The following TRDN variants were observed in gnomAD, a reference collection of about 807,000 sequenced individuals.
TRDN encodes the protein triadin.
A neutral mutation model predicts 149.7 loss-of-function variants in TRDN; 161 were observed. That is an observed-to-expected ratio of 1.08 (90% CI 0.95 to 1.23). TRDN has a LOEUF of 1.23. Among genes scored for constraint, TRDN ranks in the 50% most tolerant of loss-of-function variants. The pLI, the probability that TRDN is intolerant of heterozygous loss-of-function variation, is 0.00. For synonymous variants in TRDN, 294 were observed against 250.5 expected (o/e 1.17, Z -1.64); for missense variants, 896 against 823.5 (o/e 1.09, Z -1.08).
intron 6 of TRDN, among the ~76,000 whole-genome samples, chr6:123,512,632 T>C (rs1779236947): frequency 6.6e-6 from 1 of 152,198 alleles, no homozygotes; most frequent in African/African-American, 2.4e-5. Flanking sequence ...GGTAAAGCTT[T>C]CAGGGAAGAC....
At chr6:123,533,347 C>T (rs1780343135) in intron 4 of TRDN, among the ~76,000 whole-genome samples, 1 of 152,016 alleles carries the variant, frequency 6.6e-6, no homozygotes, top group Non-Finnish European at 1.5e-5. Context: ...CTGGAGCTCA[C>T]ACGGGAGAAT....
At chr6:123,281,128 GA>G (rs1302166302) in intron 24 of TRDN, among the ~76,000 whole-genome samples, 1 of 151,428 alleles carries the variant, frequency 6.6e-6, no homozygotes, top group South Asian at 2.1e-4. Context: ...TATTCAGGCG[GA>G]AAAAAAAGCA....
chr6:123,471,255 G>A (rs945171260), intron 9 of TRDN: 35 of 152,120 alleles, frequency 2.3e-4, no homozygotes, highest in African/African-American at 8.4e-4. Flanking sequence ...GAGTATCTGG[G>A]AACAAACAAG....
intron 40 of TRDN, among the ~76,000 whole-genome samples, chr6:123,220,519 A>T (rs1349307586): frequency 6.6e-6 from 1 of 151,800 alleles, no homozygotes; most frequent in African/African-American, 2.4e-5. Flanking sequence ...AAAGTATCAT[A>T]AGACTCTGCT....
chr6:123,619,642 A>G (rs1785278203), intron 1 of TRDN, among the ~76,000 whole-genome samples: 1 of 152,180 alleles, frequency 6.6e-6, no homozygotes, highest in Admixed American at 6.5e-5. Flanking sequence ...AAGAGTCAAG[A>G]TCACAGTATA....
chr6:123,323,415 T>C (rs1354986958), intron 23 of TRDN, among the ~76,000 whole-genome samples: 1 of 152,064 alleles, frequency 6.6e-6, no homozygotes, highest in East Asian at 1.9e-4. Flanking sequence ...CACACACACA[T>C]GTTCTCTGTC....
intron 12 of TRDN, among the ~76,000 whole-genome samples, chr6:123,408,504 C>T (rs563237007): frequency 6.6e-5 from 10 of 151,964 alleles, no homozygotes; most frequent in African/African-American, 1.7e-4. Flanking sequence ...ATGGAGAAAC[C>T]CTGTCTCTAC....
At chr6:123,469,814 C>G (rs1429381941) in intron 9 of TRDN, 1 of 152,400 alleles carries the variant, frequency 6.6e-6, no homozygotes, top group Non-Finnish European at 1.5e-5. Flanking sequence ...CGTAGAGAGA[C>G]AGAGATTCAA....
chr6:123,267,313 T>C (rs949879918), intron 32 of TRDN, among the ~76,000 whole-genome samples: 88 of 152,060 alleles, frequency 5.8e-4, no homozygotes, highest in Admixed American at 2.4e-3. Context: ...TAACTTCTCT[T>C]TTAAGAGGAT....
chr6:123,395,612 C>T (rs1017996734), intron 12 of TRDN, among the ~76,000 whole-genome samples: 28 of 152,084 alleles, frequency 1.8e-4, no homozygotes, highest in Admixed American at 1.7e-3. Context: ...CATTGTCCCG[C>T]GTCCAACACA....
chr6:123,446,464 A>C (rs955704575), intron 10 of TRDN, among the ~76,000 whole-genome samples: 5 of 151,860 alleles, frequency 3.3e-5, no homozygotes, highest in Admixed American at 1.3e-4. Flanking sequence ...GGGCACCTGT[A>C]GCCCCAGCTG....
intron 24 of TRDN, among the ~76,000 whole-genome samples, chr6:123,308,964 A>G (rs1464987786): frequency 6.6e-6 from 1 of 152,058 alleles, no homozygotes; most frequent in Non-Finnish European, 1.5e-5. Context: ...ATAATTTTGA[A>G]AGTAATCAAT....
At chr6:123,323,168 A>T (rs1779321526) in intron 23 of TRDN, among the ~76,000 whole-genome samples, 1 of 152,216 alleles carries the variant, frequency 6.6e-6, no homozygotes, top group Non-Finnish European at 1.5e-5. Flanking sequence ...TCCCTGTCTC[A>T]CTATCCAAAA....
chr6:123,274,659 T>C lies in TRDN; in HGVS notation c.1579A>G (p.Lys527Glu), dbSNP rs1192853066. ...ATGTTACCTGGTTTTGCTTCTTTTT[T>C]AATTTGGGGCTCTGAGGGAGAGAAA... ...KKEEKPEPQIKKEAKPAISEK... is the reference protein window; with the variant it reads ...KKEEKPEPQIEKEAKPAISEK... The change falls in exon 27 of 41, where the codon AAA (lysine) becomes GAA (glutamate). Residue 527 changes from lysine (K) to glutamate (E), a missense_variant. Lys to Glu is a moderately conservative substitution (Grantham distance 56). Transcript: ENST00000334268. 3.7e-6 allele frequency: 6 copies of C among 1,608,674 alleles called. No homozygotes were observed. In the African/African-American group the frequency reaches 5.3e-5, roughly 14 times the overall value.
At chr6:123,609,466 T>C (rs1489184566) in intron 1 of TRDN, among the ~76,000 whole-genome samples, 1 of 152,194 alleles carries the variant, frequency 6.6e-6, no homozygotes, top group Non-Finnish European at 1.5e-5. Context: ...TGTACTTTCT[T>C]ACTTTTATAA....
intron 38 of TRDN, among the ~76,000 whole-genome samples, chr6:123,240,389 A>G (rs1241663185): frequency 6.6e-6 from 1 of 151,804 alleles, no homozygotes. Flanking sequence ...CCAATAAATT[A>G]TTTTAGAAAT....
chr6:123,366,068 A>T, intron 20 of TRDN, 67 bp downstream of exon 20: 1 of 1,397,142 alleles, frequency 7.2e-7, no homozygotes, highest in South Asian at 1.2e-5. Flanking sequence ...ACAAAACAAT[A>T]CATTGTTAGA....
At chr6:123,472,249 G>A (rs35724301) in intron 9 of TRDN, among the ~76,000 whole-genome samples, 2 of 152,138 alleles carry the variant, frequency 1.3e-5, no homozygotes, top group African/African-American at 4.8e-5. Flanking sequence ...CAAAGCAGGG[G>A]GAGGCATTGC....
chr6:123,283,218 T>C (rs911818240), intron 24 of TRDN, among the ~76,000 whole-genome samples: 3 of 151,920 alleles, frequency 2.0e-5, no homozygotes, highest in Non-Finnish European at 4.4e-5. Flanking sequence ...TGAACGATCA[T>C]TGGGTCAACA....
Sources: allele counts gnomAD v4.1 joint callset (sites outside exome capture counted in the v4.1 genomes callset), GRCh38; gene constraint gnomAD v4.1.1; transcripts MANE v1.5; gene names NCBI Gene and HGNC (gene_info 2026-07-23, HGNC 2026-07-21).